The following EDN1 variants were observed in gnomAD, a reference collection of about 807,000 sequenced individuals.
EDN1 encodes endothelin-1.
In EDN1, 11 loss-of-function variants were observed where a neutral mutation model predicts 21.7. The ratio of observed to expected loss-of-function variants is 0.51; its 90% CI spans 0.32 to 0.84. EDN1 has a LOEUF of 0.84. Ranked by LOEUF, EDN1 falls within the 40% of genes least tolerant of loss-of-function variation. The pLI, the probability that EDN1 is intolerant of heterozygous loss-of-function variation, is 0.03. For synonymous variants in EDN1, 85 were observed against 90.6 expected, an observed-to-expected ratio of 0.94 and a Z score of 0.35; for missense variants, 244 against 262.3, an observed-to-expected ratio of 0.93 and a Z score of 0.48.
the EDN1 span, among the ~76,000 whole-genome samples, chr6:12,241,723 A>G: frequency 6.6e-6 from 1 of 152,204 alleles, no homozygotes; most frequent in South Asian, 2.1e-4. Flanking sequence ...ACTCATGTTC[A>G]TAGAAGATGA....
chr6:12,289,209 A>G (rs1762616168), upstream of EDN1, among the ~76,000 whole-genome samples: 1 of 152,186 alleles, frequency 6.6e-6, no homozygotes. Context: ...GTGAAGTATT[A>G]TCTGATTCCT....
chr6:12,231,452 TC>T, the EDN1 span, among the ~76,000 whole-genome samples: 1 of 152,228 alleles, frequency 6.6e-6, no homozygotes, highest in Non-Finnish European at 1.5e-5. Flanking sequence ...TTATTGTTTT[TC>T]CCATATGCAT....
the EDN1 span, among the ~76,000 whole-genome samples, chr6:12,258,074 A>T: frequency 6.6e-6 from 1 of 152,156 alleles, no homozygotes; most frequent in Non-Finnish European, 1.5e-5. Flanking sequence ...TTTGGAAGAA[A>T]TGCTGCAATT....
intron 4 of EDN1, among the ~76,000 whole-genome samples, chr6:12,295,400 T>A (rs940773515): frequency 1.3e-5 from 2 of 152,154 alleles, no homozygotes; most frequent in African/African-American, 4.8e-5. Context: ...CCTGGAATTT[T>A]TTATGGGTTT....
the EDN1 span, among the ~76,000 whole-genome samples, chr6:12,236,832 AATT>A: frequency 7.4e-6 from 1 of 135,074 alleles, no homozygotes. Flanking sequence ...TCTTTTTTTT[AATT>A]ATTATTATTC....
chr6:12,245,420 T>G, the EDN1 span, among the ~76,000 whole-genome samples: 1 of 152,300 alleles, frequency 6.6e-6, no homozygotes, highest in African/African-American at 2.4e-5. Context: ...ACGTTTCATG[T>G]CAATAAAAAG....
intron 3 of EDN1, 41 bp downstream of exon 3, chr6:12,294,137 C>A (rs1351452979): frequency 6.2e-7 from 1 of 1,614,034 alleles, no homozygotes; most frequent in Non-Finnish European, 8.5e-7. Context: ...GTTTAACAGC[C>A]TCCTGAACTC....
At chr6:12,279,760 G>A in the EDN1 span, among the ~76,000 whole-genome samples, 395 of 152,326 alleles carry the variant, frequency 2.6e-3, 4 homozygotes, top group African/African-American at 9.3e-3. Context: ...AAATGAAACT[G>A]TGGCTTATCA....
At chr6:12,269,713 T>C in the EDN1 span, among the ~76,000 whole-genome samples, 1 of 152,104 alleles carries the variant, frequency 6.6e-6, no homozygotes, top group African/African-American at 2.4e-5. Context: ...CTTGCTAGTA[T>C]TTTGTTAACT....
At chr6:12,243,526 G>A in the EDN1 span, among the ~76,000 whole-genome samples, 3 of 152,324 alleles carry the variant, frequency 2.0e-5, no homozygotes, top group Admixed American at 2.0e-4. Flanking sequence ...AGGACTGTGA[G>A]TTCCAAGCAT....
chr6:12,245,288 C>T, the EDN1 span, among the ~76,000 whole-genome samples: 1 of 152,162 alleles, frequency 6.6e-6, no homozygotes, highest in Non-Finnish European at 1.5e-5. Flanking sequence ...AAAAAAATGA[C>T]TAGATTCACC....
At chr6:12,270,777 CT>C in the EDN1 span, among the ~76,000 whole-genome samples, 1 of 152,184 alleles carries the variant, frequency 6.6e-6, no homozygotes, top group African/African-American at 2.4e-5. Flanking sequence ...TCCGTAATGA[CT>C]GTTAGGTACA....
At chr6:12,287,706 TCTCTCTCACA>T (rs1167368436), upstream of EDN1, among the ~76,000 whole-genome samples, 3 of 76,052 alleles carry the variant, frequency 3.9e-5, no homozygotes, top group Non-Finnish European at 5.9e-5. Flanking sequence ...TCTCTCTCTC[TCTCTCTCACA>T]CACACACACA....
At chr6:12,260,829 T>C in the EDN1 span, among the ~76,000 whole-genome samples, 7 of 152,172 alleles carry the variant, frequency 4.6e-5, no homozygotes, top group African/African-American at 1.2e-4. Context: ...TCCATAAACC[T>C]AGATCTTTTT....
chr6:12,257,916 T>A, the EDN1 span, among the ~76,000 whole-genome samples: 1 of 152,150 alleles, frequency 6.6e-6, no homozygotes, highest in Non-Finnish European at 1.5e-5. Context: ...CCACCAACTA[T>A]TTTTTCAGAG....
At chr6:12,236,873 C>T in the EDN1 span, among the ~76,000 whole-genome samples, 7 of 151,284 alleles carry the variant, frequency 4.6e-5, no homozygotes, top group Non-Finnish European at 5.9e-5. Flanking sequence ...ATGTGCACAA[C>T]GTGCAGGTTT....
the EDN1 span, among the ~76,000 whole-genome samples, chr6:12,282,452 T>C: frequency 2.3e-4 from 35 of 152,344 alleles, no homozygotes; most frequent in African/African-American, 7.9e-4. Flanking sequence ...TGTAGCAAGA[T>C]TATGTGCTTT....
chr6:12,294,643 A>G (rs1267492752), intron 4 of EDN1, among the ~76,000 whole-genome samples: 5 of 152,178 alleles, frequency 3.3e-5, no homozygotes, highest in African/African-American at 1.2e-4. Flanking sequence ...AGCACATACC[A>G]TTTCATCTAC....
At chr6:12,279,874 C>A in the EDN1 span, among the ~76,000 whole-genome samples, 1 of 152,076 alleles carries the variant, frequency 6.6e-6, no homozygotes, top group Non-Finnish European at 1.5e-5. Flanking sequence ...TAAGTGGAAA[C>A]CTTCAGAGAT....
Sources: gnomAD v4.1 joint callset for allele counts (sites outside exome capture counted in the v4.1 genomes callset) on GRCh38, gnomAD v4.1.1 for gene constraint, MANE v1.5 for transcripts, NCBI Gene and HGNC (gene_info 2026-07-23, HGNC 2026-07-21) for gene names.